Variants in NEK11 observed in about 807,000 individuals in gnomAD.
NEK11 encodes the protein NIMA related kinase 11, also known as serine/threonine-protein kinase Nek11.
Under a neutral mutation model 80.7 loss-of-function variants are expected in NEK11, and 72 were observed. The observed-to-expected ratio is 0.89, with a 90% CI of 0.74 to 1.08. The LOEUF is 1.08. Among genes scored for constraint, NEK11 ranks in the 50% least tolerant of loss-of-function variants. NEK11 has a pLI of 0.00. For synonymous variants in NEK11, 251 were observed against 260.7 expected (o/e 0.96, Z 0.36); for missense variants, 764 against 763.6 (o/e 1.00, Z -0.01).
intron 16 of NEK11, among the ~76,000 whole-genome samples, chr3:131,246,462 G>A (rs548915463): frequency 1.5e-3 from 229 of 152,164 alleles, no homozygotes; most frequent in Non-Finnish European, 2.7e-3. Flanking sequence ...ATAGTATTCC[G>A]TGGTGTGTGT....
At chr3:131,158,942 C>G (rs577580960) in intron 10 of NEK11, among the ~76,000 whole-genome samples, 2 of 152,134 alleles carry the variant, frequency 1.3e-5, no homozygotes, top group African/African-American at 4.8e-5. Flanking sequence ...AATGAGTTGA[C>G]GACCTTGAGG....
intron 16 of NEK11, among the ~76,000 whole-genome samples, chr3:131,255,126 A>AAGAG (rs1169617017): frequency 4.7e-5 from 7 of 147,700 alleles, no homozygotes; most frequent in Admixed American, 2.7e-4. Flanking sequence ...GAAAGAAAGA[A>AAGAG]AGAGAGAAAG....
chr3:131,243,549 G>C, intron 16 of NEK11, 53 bp downstream of exon 16: 2 of 1,421,180 alleles, frequency 1.4e-6, no homozygotes, highest in Non-Finnish European at 2.0e-6. Context: ...TGATTATCTT[G>C]GAATAACTTG....
intron 16 of NEK11, among the ~76,000 whole-genome samples, chr3:131,271,069 T>C (rs1223071706): frequency 6.6e-6 from 1 of 152,182 alleles, no homozygotes; most frequent in Non-Finnish European, 1.5e-5. Context: ...GAAAAGTATC[T>C]GTCCTGGCCA....
Position 131,029,695 on chromosome 3 carries a change from T to C in NEK11, c.-14T>C. 1 of 1,612,704 alleles carries C rather than the reference T, an allele frequency of 6.2e-7. No individual in the cohort carries two copies. Among genetic ancestry groups the C allele is most frequent in the Non-Finnish European group, 8.5e-7 (1 of 1,178,870 alleles). On this transcript the variant is annotated 5_prime_UTR_variant, in exon 3 of 18. Transcript: ENST00000383366. ...TCTATAAATGAATGAACCAGTTCTC[T>C]CTTGTTTGGAGCAATGCTGAAATTC... is the stretch of plus-strand genomic sequence containing the variant.
intron 3 of NEK11, among the ~76,000 whole-genome samples, chr3:131,058,622 CT>C (rs1437881636): frequency 1.3e-5 from 2 of 152,172 alleles, no homozygotes; most frequent in African/African-American, 4.8e-5. Context: ...TTATCTTCAT[CT>C]CTTTATGCCT....
In NEK11 at chr3:131,055,786, T is replaced by G. The variant is rs9682413; in HGVS notation, c.171-24637T>G. On this transcript the variant is annotated intron_variant, in intron 3 of 17. Coordinates refer to ENST00000383366, the MANE Select transcript of NEK11 (RefSeq NM_024800.5). ...AGGAAAGAGGATAAGGAGTGTTGAGTGTATATCTGGTAAATGCTACTTGGT... is the reference window on the plus strand; with the variant it reads ...AGGAAAGAGGATAAGGAGTGTTGAGGGTATATCTGGTAAATGCTACTTGGT... Among the ~76,000 whole-genome samples, 335 of 152,212 alleles carry G rather than the reference T, an allele frequency of 2.2e-3. 4 individuals carry two copies. The highest frequency in any genetic ancestry group is 7.6e-3 in the African/African-American group (314 of 41,524).
intron 17 of NEK11, among the ~76,000 whole-genome samples, chr3:131,310,464 A>T (rs1225625232): frequency 3.3e-5 from 5 of 152,212 alleles, no homozygotes. Flanking sequence ...TCAGGATTAG[A>T]TGCGAGATAT....
chr3:131,204,023 G>A (rs750674998), intron 14 of NEK11, among the ~76,000 whole-genome samples: 29 of 151,794 alleles, frequency 1.9e-4, no homozygotes, highest in Non-Finnish European at 3.4e-4. Context: ...GCATAGAGAG[G>A]CCAAATGGAA....
intron 4 of NEK11, among the ~76,000 whole-genome samples, chr3:131,093,472 G>A (rs1010089581): frequency 6.6e-6 from 1 of 152,060 alleles, no homozygotes; most frequent in Non-Finnish European, 1.5e-5. Flanking sequence ...CTGTCAGGCT[G>A]GAGTGTGGTG....
chr3:131,172,128 C>G (rs1456442786), intron 14 of NEK11, among the ~76,000 whole-genome samples: 1 of 152,200 alleles, frequency 6.6e-6, no homozygotes, highest in Non-Finnish European at 1.5e-5. Flanking sequence ...AGTCAGCCAT[C>G]CTACAGGCCT....
At chr3:131,251,257 C>T (rs2095697534) in intron 16 of NEK11, among the ~76,000 whole-genome samples, 2 of 148,038 alleles carry the variant, frequency 1.4e-5, no homozygotes, top group Admixed American at 1.3e-4. Flanking sequence ...GAGACTGGAA[C>T]TTGAAGGTGA....
intron 15 of NEK11, among the ~76,000 whole-genome samples, chr3:131,232,979 GGGAAGGAAGGAAGGAAGGAAGGAAGGAA>G (rs55987547): frequency 3.8e-5 from 5 of 132,738 alleles, no homozygotes; most frequent in South Asian, 2.7e-4. Context: ...TATATTTGAG[GGGAAGGAAGGAAGGAAGGAAGGAAGGAA>G]GGAAGGAAGG....
chr3:131,031,263 C>T (rs1282474890), intron 3 of NEK11, among the ~76,000 whole-genome samples: 2 of 152,174 alleles, frequency 1.3e-5, no homozygotes, highest in Non-Finnish European at 1.5e-5. Flanking sequence ...GATAAAAGAG[C>T]TGGCATTTTT....
intron 14 of NEK11, among the ~76,000 whole-genome samples, chr3:131,197,709 C>A (rs185924198): frequency 3.3e-5 from 5 of 152,104 alleles, no homozygotes; most frequent in Non-Finnish European, 2.9e-5. Context: ...TGGTGGCTAG[C>A]CATCTGGAGG....
chr3:131,247,237 A>G (rs1405739041), intron 16 of NEK11, among the ~76,000 whole-genome samples: 1 of 152,042 alleles, frequency 6.6e-6, no homozygotes, highest in African/African-American at 2.4e-5. Context: ...ATCTTCTAGA[A>G]TCTTTATGGT....
At chr3:131,199,889 C>T (rs550819181) in intron 14 of NEK11, among the ~76,000 whole-genome samples, 55 of 152,026 alleles carry the variant, frequency 3.6e-4, no homozygotes, top group African/African-American at 1.1e-3. Context: ...GGCAAAAGAC[C>T]GGGGAAACAC....
intron 17 of NEK11, among the ~76,000 whole-genome samples, chr3:131,337,637 AAATAAAT>A (rs1335436996): frequency 8.6e-6 from 1 of 116,270 alleles, no homozygotes; most frequent in Non-Finnish European, 1.7e-5. Flanking sequence ...TTAAAATAAT[AAATAAAT>A]AAAAATAAAT....
At chr3:131,107,906 G>C (rs2079449767) in intron 4 of NEK11, among the ~76,000 whole-genome samples, 2 of 152,226 alleles carry the variant, frequency 1.3e-5, no homozygotes, top group Non-Finnish European at 2.9e-5. Flanking sequence ...AGAAACATGA[G>C]AGTACAGCTT....
Sources: allele counts gnomAD v4.1 joint callset (sites outside exome capture counted in the v4.1 genomes callset), GRCh38; gene constraint gnomAD v4.1.1; transcripts MANE v1.5; gene names NCBI Gene and HGNC (gene_info 2026-07-23, HGNC 2026-07-21).